LRRC4C: variants seen among roughly 807,000 people sequenced by gnomAD.
LRRC4C encodes leucine-rich repeat-containing protein 4C.
In LRRC4C, 5 loss-of-function variants were observed where a neutral mutation model predicts 33.6. The ratio of observed to expected loss-of-function variants is 0.15; its 90% confidence interval spans 0.08 to 0.31. The LOEUF is 0.31. Among genes scored for constraint, LRRC4C ranks in the 10% least tolerant of loss-of-function variants. The pLI is 1.00. For synonymous variants in LRRC4C, 329 were observed against 302.0 expected (o/e 1.09, Z -0.93); for missense variants, 560 against 796.7 (o/e 0.70, Z 3.58).
chr11:40,694,149 A>C (rs1565642677), intron 2 of LRRC4C, among the ~76,000 whole-genome samples: 2 of 152,168 alleles, frequency 1.3e-5, no homozygotes, highest in Non-Finnish European at 2.9e-5. Flanking sequence ...ATGTAAAATA[A>C]ACCTCCTGCA....
At position 41,142,192 on chromosome 11, in the gene LRRC4C, C is replaced by T. The variant is rs932399041; in HGVS notation, c.-495-208469G>A. ...AGTTAATTAATAGGTTTTCAGCTGT[C>T]GCTAAGGCATAGTAGATTCTTTCAT... On this transcript the variant is annotated intron_variant, in intron 1 of 6. Transcript: ENST00000528697. Among the ~76,000 whole-genome samples the T allele has an allele frequency of 3.3e-5, 5 of 152,086 alleles. No individual in the cohort carries two copies. The East Asian group carries it at 5.8e-4, about 18-fold the overall frequency.
chr11:40,162,675 G>A (rs1859257760), intron 5 of LRRC4C, among the ~76,000 whole-genome samples: 2 of 152,050 alleles, frequency 1.3e-5, no homozygotes, highest in Admixed American at 6.6e-5. Context: ...TGTTTATTAG[G>A]GCCAAGTACT....
rs189709224 is a variant in LRRC4C, at chr11:41,380,768, C to G, written c.-496+78663G>C. 1.2e-3 allele frequency among the ~76,000 whole-genome samples: 178 copies of G among 152,164 alleles called. 1 individual carries two copies. The highest frequency in any genetic ancestry group is 1.1e-3 in the Non-Finnish European group (77 of 67,980). On this transcript the variant is annotated intron_variant, in intron 1 of 6. Coordinates refer to ENST00000528697, the MANE Select transcript of LRRC4C (RefSeq NM_001258419.2). Reference sequence around the variant, plus strand: ...TCACAACTTCAAAGGGAGTACGTGACCTGGCAGAATCTTGGGTCTACCTTT... The same window carrying G: ...TCACAACTTCAAAGGGAGTACGTGAGCTGGCAGAATCTTGGGTCTACCTTT...
intron 4 of LRRC4C, among the ~76,000 whole-genome samples, chr11:40,318,066 C>T (rs1373502615): frequency 6.6e-6 from 1 of 152,088 alleles, no homozygotes; most frequent in East Asian, 1.9e-4. Context: ...TCTTGAAAGA[C>T]ATACCCGAGA....
At chr11:40,238,083 G>A (rs1470819) in intron 5 of LRRC4C, among the ~76,000 whole-genome samples, 113,015 of 152,080 alleles carry the variant, frequency 0.74, 46,039 homozygotes, top group East Asian at 0.95. Context: ...TCCAAAATTT[G>A]TACGGCAGCA....
chr11:40,560,530 T>C (rs1044251405), intron 3 of LRRC4C, among the ~76,000 whole-genome samples: 5 of 152,094 alleles, frequency 3.3e-5, no homozygotes, highest in African/African-American at 1.2e-4. Context: ...TTTCCCACTT[T>C]ATTTGCGTGA....
chr11:41,455,582 A>G (rs986429639), intron 1 of LRRC4C, among the ~76,000 whole-genome samples: 4 of 152,158 alleles, frequency 2.6e-5, no homozygotes, highest in African/African-American at 9.7e-5. Flanking sequence ...ATCACTAATC[A>G]TTAAGAATAG....
intron 3 of LRRC4C, among the ~76,000 whole-genome samples, chr11:40,339,518 A>G (rs977960584): frequency 6.6e-6 from 1 of 152,212 alleles, no homozygotes; most frequent in Non-Finnish European, 1.5e-5. Flanking sequence ...TATTTACTGC[A>G]TTGTTCTCTT....
chr11:40,229,341 C>T (rs1202501797), intron 5 of LRRC4C, among the ~76,000 whole-genome samples: 1 of 152,062 alleles, frequency 6.6e-6, no homozygotes, highest in Non-Finnish European at 1.5e-5. Flanking sequence ...AGCGTGATCT[C>T]AGCTCACTGC....
intron 2 of LRRC4C, among the ~76,000 whole-genome samples, chr11:40,665,029 G>GT (rs1555139615): frequency 3.3e-5 from 5 of 150,440 alleles, no homozygotes; most frequent in Non-Finnish European, 1.5e-5. Flanking sequence ...GCGGTGTTTG[G>GT]TTTTTTGTCC....
At chr11:40,480,436 A>C (rs1229211862) in intron 3 of LRRC4C, among the ~76,000 whole-genome samples, 2 of 152,128 alleles carry the variant, frequency 1.3e-5, no homozygotes, top group Non-Finnish European at 2.9e-5. Flanking sequence ...CGGTGAGTAC[A>C]CATGGACACA....
chr11:40,639,835 G>A lies in LRRC4C; in HGVS notation c.-270+8307C>T, dbSNP rs200971972. On this transcript the variant is annotated intron_variant, in intron 3 of 6. Transcript: ENST00000528697. ...GTGATTTTTCAGCATATTTGTCACC[G>A]GATAAGAAAAAGTTGAGGGGAAAGT... Among the ~76,000 whole-genome samples the A allele has an allele frequency of 9.9e-5, 15 of 152,198 alleles. No homozygotes were observed. The South Asian group carries it at 2.3e-3, about 23-fold the overall frequency.
intron 1 of LRRC4C, among the ~76,000 whole-genome samples, chr11:41,336,710 T>G (rs1951466631): frequency 6.6e-6 from 1 of 152,182 alleles, no homozygotes; most frequent in South Asian, 2.1e-4. Flanking sequence ...CAGCTTCATG[T>G]CTTCCCTCCT....
intron 4 of LRRC4C, among the ~76,000 whole-genome samples, chr11:40,276,258 G>A (rs1943093367): frequency 6.6e-6 from 1 of 152,114 alleles, no homozygotes; most frequent in Admixed American, 6.6e-5. Context: ...TGCTGAGTTA[G>A]AATAGGGAAG....
At chr11:40,970,155 C>T (rs914796166) in intron 1 of LRRC4C, among the ~76,000 whole-genome samples, 2 of 152,124 alleles carry the variant, frequency 1.3e-5, no homozygotes, top group Admixed American at 6.6e-5. Context: ...AGCCTTCTAG[C>T]GAACCTCAAA....
intron 2 of LRRC4C, among the ~76,000 whole-genome samples, chr11:40,810,216 C>A (rs1951428863): frequency 6.6e-6 from 1 of 152,052 alleles, no homozygotes; most frequent in Non-Finnish European, 1.5e-5. Flanking sequence ...ATCTAATTGA[C>A]CTTGCAGCAA....
intron 3 of LRRC4C, among the ~76,000 whole-genome samples, chr11:40,391,738 C>T (rs1476639008): frequency 6.6e-6 from 1 of 152,044 alleles, no homozygotes; most frequent in African/African-American, 2.4e-5. Context: ...GTGACAAAAC[C>T]ACACACTGCA....
At chr11:40,936,444 TCTC>T (rs1279108771) in intron 1 of LRRC4C, among the ~76,000 whole-genome samples, 2 of 150,892 alleles carry the variant, frequency 1.3e-5, no homozygotes, top group Non-Finnish European at 2.9e-5. Flanking sequence ...TTTACGCCAT[TCTC>T]CTGCCTCAGC....
intron 1 of LRRC4C, among the ~76,000 whole-genome samples, chr11:41,253,845 G>A (rs545741101): frequency 1.3e-5 from 2 of 152,182 alleles, no homozygotes; most frequent in East Asian, 3.9e-4. Flanking sequence ...GACGGCGGCA[G>A]TTTTAGAATA....
Sources: gnomAD v4.1 joint callset for allele counts (sites outside exome capture counted in the v4.1 genomes callset) on GRCh38, gnomAD v4.1.1 for gene constraint, MANE v1.5 for transcripts, NCBI Gene and HGNC (gene_info 2026-07-23, HGNC 2026-07-21) for gene names.